Variants in RALYL observed in about 807,000 individuals in gnomAD.
RALYL encodes RALY RNA binding protein like, also known as RNA-binding Raly-like protein.
Under a neutral mutation model 35.1 loss-of-function variants are expected in RALYL, and 29 were observed. The ratio of observed to expected loss-of-function variants is 0.83; its 90% confidence interval spans 0.61 to 1.13. RALYL has a LOEUF of 1.13. Among genes scored for constraint, RALYL ranks in the 50% most tolerant of loss-of-function variants. The pLI is 0.00. For missense variants in RALYL, 359 were observed against 360.4 expected (o/e 1.00, Z 0.03); for synonymous variants, 120 against 127.6 (o/e 0.94, Z 0.40).
rs1554620895 is a variant in RALYL, at chr8:84,848,437, G to GTGTATA, written c.366-1542_366-1541insGTATAT. Among the ~76,000 whole-genome samples the GTGTATA allele has an allele frequency of 1.1e-4, 17 of 148,514 alleles. No individual in the cohort carries two copies. In the East Asian group the frequency reaches 1.4e-3, roughly 12 times the overall value. Reference sequence around the variant, plus strand: ...TGTGTATATATATATGTGTGTGTGTGTATATATATATATATGTATATATCT... The same window carrying GTGTATA: ...TGTGTATATATATATGTGTGTGTGTGTGTATATATATATATATATATGTATATATCT... On this transcript the variant is annotated intron_variant, in intron 4 of 8. Transcript: ENST00000521268.
intron 2 of RALYL, among the ~76,000 whole-genome samples, chr8:84,614,102 A>G (rs1818911161): frequency 6.6e-6 from 1 of 151,542 alleles, no homozygotes; most frequent in Non-Finnish European, 1.5e-5. Flanking sequence ...ATGACACTGA[A>G]TTACTATAAA....
chr8:84,537,145 A>C (rs1038648987), intron 2 of RALYL, among the ~76,000 whole-genome samples: 1 of 123,400 alleles, frequency 8.1e-6, no homozygotes, highest in East Asian at 2.4e-4. Context: ...AGTATAATAA[A>C]TAAATATATA....
At chr8:84,834,408 A>G (rs1831532536) in intron 4 of RALYL, among the ~76,000 whole-genome samples, 1 of 152,242 alleles carries the variant, frequency 6.6e-6, no homozygotes, top group Non-Finnish European at 1.5e-5. Context: ...ACTTGAGGTC[A>G]GAGAAGTCTA....
intron 4 of RALYL, among the ~76,000 whole-genome samples, chr8:84,834,594 A>C (rs1338794270): frequency 6.6e-6 from 1 of 152,204 alleles, no homozygotes; most frequent in Non-Finnish European, 1.5e-5. Flanking sequence ...AGCACCCTGT[A>C]CTGCCAAACT....
intron 2 of RALYL, among the ~76,000 whole-genome samples, chr8:84,578,780 C>T (rs1447309113): frequency 6.6e-6 from 1 of 152,170 alleles, no homozygotes; most frequent in African/African-American, 2.4e-5. Context: ...GTGGTTAGCT[C>T]CTTTGGGCAG....
chr8:84,826,064 T>C (rs1829615570), intron 4 of RALYL, among the ~76,000 whole-genome samples: 1 of 151,904 alleles, frequency 6.6e-6, no homozygotes, highest in South Asian at 2.1e-4. Flanking sequence ...AAAAAAAATA[T>C]ATTGAATGTT....
Position 84,845,128 on chromosome 8 carries a change from A to T in RALYL, c.366-4852A>T, listed in dbSNP as rs534718198. On this transcript the variant is annotated intron_variant, in intron 4 of 8. Transcript: ENST00000521268. ...AAACTTAAAGCATAATAAAAAAATT[A>T]AAAAAAATAAAAAATTTAGTCACGT... Among the ~76,000 whole-genome samples the T allele has an allele frequency of 6.5e-3, 992 of 152,114 alleles. 10 individuals are homozygous for T. The highest frequency in any genetic ancestry group is 0.022 in the African/African-American group (902 of 41,478).
intron 1 of RALYL, among the ~76,000 whole-genome samples, chr8:84,473,639 G>A (rs1292986938): frequency 6.6e-6 from 1 of 151,648 alleles, no homozygotes; most frequent in Non-Finnish European, 1.5e-5. Context: ...AGCATTGTAT[G>A]TATGGAACAT....
intron 1 of RALYL, among the ~76,000 whole-genome samples, chr8:84,264,383 CAT>C (rs1401093094): frequency 3.3e-5 from 5 of 149,406 alleles, no homozygotes; most frequent in South Asian, 2.1e-4. Flanking sequence ...GAGCTTTTTT[CAT>C]ATGTTTCGTG....
chr8:84,624,626 T>C (rs957537204), intron 2 of RALYL, among the ~76,000 whole-genome samples: 14 of 152,320 alleles, frequency 9.2e-5, no homozygotes, highest in Admixed American at 2.6e-4. Context: ...GTCCACAACC[T>C]TAATGCCATC....
At chr8:84,735,390 A>T (rs1847064789) in intron 2 of RALYL, among the ~76,000 whole-genome samples, 1 of 152,112 alleles carries the variant, frequency 6.6e-6, no homozygotes, top group Non-Finnish European at 1.5e-5. Flanking sequence ...GGCAATTTTT[A>T]AAAATTTTTC....
At chr8:84,519,100 A>G (rs117528986) in intron 1 of RALYL, among the ~76,000 whole-genome samples, 4,590 of 152,316 alleles carry the variant, frequency 0.03, 117 homozygotes, top group Non-Finnish European at 0.038. Flanking sequence ...ATAAATGAAT[A>G]TAATGATGCT....
intron 2 of RALYL, among the ~76,000 whole-genome samples, chr8:84,747,122 A>T (rs1327370463): frequency 6.6e-6 from 1 of 151,924 alleles, no homozygotes; most frequent in Admixed American, 6.6e-5. Flanking sequence ...TTAGACTGTG[A>T]AGAATAAGTT....
chr8:84,604,960 A>G (rs1371764693), intron 2 of RALYL, among the ~76,000 whole-genome samples: 1 of 141,584 alleles, frequency 7.1e-6, no homozygotes, highest in Non-Finnish European at 1.5e-5. Flanking sequence ...ATGCTGGGAC[A>G]TTCTGTTCTT....
At chr8:84,843,530 T>C (rs1833906078) in intron 4 of RALYL, among the ~76,000 whole-genome samples, 1 of 152,108 alleles carries the variant, frequency 6.6e-6, no homozygotes, top group Admixed American at 6.6e-5. Context: ...ATCGTGAAAA[T>C]GGCCATACTG....
At chr8:84,695,171 A>G (rs1838884808) in intron 2 of RALYL, among the ~76,000 whole-genome samples, 1 of 151,730 alleles carries the variant, frequency 6.6e-6, no homozygotes, top group African/African-American at 2.4e-5. Flanking sequence ...ATAATGTGTC[A>G]GGTCTTTACA....
chr8:84,835,777 T>C (rs1831895774), intron 4 of RALYL, among the ~76,000 whole-genome samples: 1 of 151,902 alleles, frequency 6.6e-6, no homozygotes, highest in African/African-American at 2.4e-5. Context: ...AAACCTTTTG[T>C]TGAGCCATCA....
chr8:84,368,146 CT>C (rs1854890490), intron 1 of RALYL, among the ~76,000 whole-genome samples: 1 of 152,068 alleles, frequency 6.6e-6, no homozygotes, highest in African/African-American at 2.4e-5. Flanking sequence ...GAATTTGTAA[CT>C]GAAAAACGAA....
intron 2 of RALYL, chr8:84,679,158 G>A (rs1431526502): frequency 1.1e-5 from 2 of 182,764 alleles, no homozygotes; most frequent in East Asian, 1.6e-4. Context: ...AGATTGCTAA[G>A]TTTATGGCAG....
Sources: allele counts gnomAD v4.1 joint callset (sites outside exome capture counted in the v4.1 genomes callset), GRCh38; gene constraint gnomAD v4.1.1; transcripts MANE v1.5; gene names NCBI Gene and HGNC (gene_info 2026-07-23, HGNC 2026-07-21).